Variants in UNC13C observed in about 807,000 individuals in gnomAD.
UNC13C encodes unc-13 homolog C.
A neutral mutation model predicts 245.4 loss-of-function variants in UNC13C; 174 were observed. The observed-to-expected ratio is 0.71, with a 90% CI of 0.63 to 0.80. The LOEUF is 0.80. UNC13C is among the 30% of genes least tolerant of loss of function. The probability of loss-of-function intolerance (pLI) is 0.00; values close to 1 mark genes in which losing one functional copy is unlikely to be tolerated. For missense variants in UNC13C, 2,829 were observed against 2,602.9 expected (o/e 1.09, Z -1.89); for synonymous variants, 992 against 895.1 (o/e 1.11, Z -1.93).
intron 20 of UNC13C, among the ~76,000 whole-genome samples, chr15:54,498,505 A>G (rs1482770555): frequency 6.6e-6 from 1 of 152,170 alleles, no homozygotes; most frequent in East Asian, 1.9e-4. Context: ...GGCATATCCA[A>G]TTTTGTAGAA....
chr15:54,028,254 A>T (rs1468269535), intron 2 of UNC13C, among the ~76,000 whole-genome samples: 1 of 152,150 alleles, frequency 6.6e-6, no homozygotes, highest in Non-Finnish European at 1.5e-5. Context: ...GAATTTTCCT[A>T]TGTGGGGTAC....
At chr15:53,992,757 G>T (rs1302841257) in intron 1 of UNC13C, among the ~76,000 whole-genome samples, 1 of 152,050 alleles carries the variant, frequency 6.6e-6, no homozygotes, top group Non-Finnish European at 1.5e-5. Flanking sequence ...AATCTATATG[G>T]TGACATTGGA....
At chr15:54,287,633 G>T (rs185966012) in intron 10 of UNC13C, among the ~76,000 whole-genome samples, 56 of 152,198 alleles carry the variant, frequency 3.7e-4, no homozygotes, top group African/African-American at 1.3e-3. Context: ...ATGTTTCAGG[G>T]TAGTAAAGGG....
chr15:54,556,985 C>A (rs1040446819), intron 29 of UNC13C, among the ~76,000 whole-genome samples: 3 of 152,054 alleles, frequency 2.0e-5, no homozygotes, highest in Non-Finnish European at 2.9e-5. Context: ...CACCTGCTGG[C>A]TGAGTTCTTC....
Position 54,014,261 on chromosome 15 carries a change from A to G in UNC13C, c.1358A>G (p.Asp453Gly). 1 of 1,613,950 alleles carries G rather than the reference A, an allele frequency of 6.2e-7. No homozygotes were observed. Among genetic ancestry groups the G allele is most frequent in the African/African-American group, 1.3e-5 (1 of 75,052 alleles). Residue 453 changes from aspartate to glycine, a missense_variant, in exon 2 of 33, where the codon GAT becomes GGT. Physicochemically the swap from Asp to Gly is moderately conservative, Grantham distance 94. Transcript: ENST00000260323. ...KNNWQSPDDS[D>G]EDLESDLNRN... The stretch of plus-strand genomic sequence containing the variant: ...AATTGGCAGTCACCTGATGACAGTG[A>G]TGAAGATCTTGAATCTGACCTCAAT...
the UNC13C span, among the ~76,000 whole-genome samples, chr15:53,862,710 CA>C: frequency 1.3e-5 from 2 of 152,256 alleles, no homozygotes; most frequent in Middle Eastern, 3.4e-3. Flanking sequence ...CTGCCACACT[CA>C]CGTTGGGGAG....
the UNC13C span, among the ~76,000 whole-genome samples, chr15:53,857,691 G>T: frequency 6.6e-6 from 1 of 152,266 alleles, no homozygotes; most frequent in South Asian, 2.1e-4. Flanking sequence ...ACCAACTGCT[G>T]CTGGCAATGG....
intron 19 of UNC13C, among the ~76,000 whole-genome samples, chr15:54,418,521 A>G (rs2040567844): frequency 1.3e-5 from 2 of 152,026 alleles, no homozygotes; most frequent in African/African-American, 4.8e-5. Flanking sequence ...TTCTTTATCT[A>G]TATCTTATGA....
At chr15:54,316,520 A>G (rs2038013341) in intron 13 of UNC13C, among the ~76,000 whole-genome samples, 1 of 151,924 alleles carries the variant, frequency 6.6e-6, no homozygotes, top group African/African-American at 2.4e-5. Context: ...GAGTGTCTTC[A>G]TAGCACTCTT....
At chr15:54,390,023 C>A (rs1255591944) in intron 17 of UNC13C, among the ~76,000 whole-genome samples, 1 of 152,134 alleles carries the variant, frequency 6.6e-6, no homozygotes, top group Non-Finnish European at 1.5e-5. Flanking sequence ...GCCACTGCGC[C>A]CGGCCCGTCT....
intron 4 of UNC13C, among the ~76,000 whole-genome samples, chr15:54,167,380 T>C (rs577403315): frequency 3.3e-5 from 5 of 150,716 alleles, no homozygotes; most frequent in African/African-American, 1.2e-4. Context: ...TGGGCGCCTG[T>C]AGTCCCAGCT....
intron 2 of UNC13C, among the ~76,000 whole-genome samples, chr15:54,029,130 GA>G (rs1333528217): frequency 1.3e-5 from 2 of 152,162 alleles, no homozygotes; most frequent in African/African-American, 4.8e-5. Flanking sequence ...TTTTGGGTTT[GA>G]ATTCTTGAAA....
chr15:53,905,899 T>A, the UNC13C span, among the ~76,000 whole-genome samples: 3 of 152,078 alleles, frequency 2.0e-5, no homozygotes, highest in African/African-American at 7.2e-5. Flanking sequence ...AGAGGGCAGG[T>A]CCCTACTTTT....
Position 54,626,862 on chromosome 15 carries a change from G to C in UNC13C, c.6394G>C (p.Glu2132Gln), listed in dbSNP as rs1901195797. Residue 2132 changes from glutamate (E) to glutamine (Q), a missense_variant, in exon 33 of 33, where the codon GAA (glutamate) becomes CAA (glutamine). Coordinates refer to ENST00000260323, the MANE Select transcript of UNC13C (RefSeq NM_001080534.3). ...LGKENRPGAY[E>Q]LHLSVKDYCF... The stretch of plus-strand genomic sequence containing the variant: ...AAAGGAAAATCGACCAGGGGCTTAT[G>C]AACTTCATCTCTCAGTTAAGGATTA... The C allele has an allele frequency of 6.2e-7, 1 of 1,612,982 alleles. No homozygotes were observed. The highest frequency in any genetic ancestry group is 1.1e-5 in the South Asian group (1 of 91,036).
At chr15:54,280,825 T>C (rs2036975851) in intron 10 of UNC13C, among the ~76,000 whole-genome samples, 1 of 150,054 alleles carries the variant, frequency 6.7e-6, no homozygotes, top group South Asian at 2.1e-4. Flanking sequence ...TGTGACAGAG[T>C]CTCACTCTGT....
At chr15:54,362,088 T>A (rs2039245595) in intron 17 of UNC13C, among the ~76,000 whole-genome samples, 2 of 152,204 alleles carry the variant, frequency 1.3e-5, no homozygotes, top group South Asian at 4.1e-4. Flanking sequence ...CCAGTCTCCT[T>A]ACTGTGGCAT....
At chr15:54,404,687 A>G (rs1227799984) in intron 18 of UNC13C, among the ~76,000 whole-genome samples, 4 of 152,168 alleles carry the variant, frequency 2.6e-5, no homozygotes, top group African/African-American at 9.7e-5. Context: ...TACCATATTT[A>G]TGTGTACTTC....
At chr15:54,396,238 A>T (rs1358512503) in intron 18 of UNC13C, among the ~76,000 whole-genome samples, 1 of 151,674 alleles carries the variant, frequency 6.6e-6, no homozygotes, top group East Asian at 1.9e-4. Context: ...TAATTCATCC[A>T]CTTTTGTAAT....
At chr15:54,460,156 T>C (rs1891757680) in intron 19 of UNC13C, among the ~76,000 whole-genome samples, 1 of 152,216 alleles carries the variant, frequency 6.6e-6, no homozygotes, top group Non-Finnish European at 1.5e-5. Context: ...GTGATTGTTA[T>C]TGCCCTTCTA....
Sources: gnomAD v4.1 joint callset for allele counts (sites outside exome capture counted in the v4.1 genomes callset) on GRCh38, gnomAD v4.1.1 for gene constraint, MANE v1.5 for transcripts, NCBI Gene and HGNC (gene_info 2026-07-23, HGNC 2026-07-21) for gene names.